TMEM132C: variants seen among roughly 807,000 people sequenced by gnomAD.
TMEM132C encodes the protein transmembrane protein 132C.
A neutral mutation model predicts 61.4 loss-of-function variants in TMEM132C; 29 were observed. The observed-to-expected ratio is 0.47, with a 90% CI of 0.35 to 0.64. TMEM132C has a LOEUF of 0.64. Among genes scored for constraint, TMEM132C ranks in the 30% least tolerant of loss-of-function variants. TMEM132C has a pLI of 0.00. For synonymous variants in TMEM132C, 656 were observed against 633.1 expected (o/e 1.04, Z -0.54); for missense variants, 1,408 against 1,476.9 (o/e 0.95, Z 0.76).
At chr12:128,520,833 G>T (rs976382303) in intron 2 of TMEM132C, among the ~76,000 whole-genome samples, 1 of 152,100 alleles carries the variant, frequency 6.6e-6, no homozygotes, top group African/African-American at 2.4e-5. Context: ...TTTATTAGAG[G>T]CTTGGACTGC....
intron 3 of TMEM132C, among the ~76,000 whole-genome samples, chr12:128,567,418 A>G (rs1008978994): frequency 2.1e-5 from 3 of 145,920 alleles, no homozygotes; most frequent in Non-Finnish European, 4.5e-5. Flanking sequence ...ATAAGTGTCC[A>G]CATACCCATA....
At chr12:128,551,224 C>T (rs1429959666) in intron 3 of TMEM132C, among the ~76,000 whole-genome samples, 2 of 151,536 alleles carry the variant, frequency 1.3e-5, no homozygotes, top group Admixed American at 6.6e-5. Flanking sequence ...CCCCCTCCCG[C>T]TTCCTCCCCT....
intron 4 of TMEM132C, among the ~76,000 whole-genome samples, chr12:128,649,863 C>A (rs1017718392): frequency 1.3e-5 from 2 of 152,170 alleles, no homozygotes; most frequent in African/African-American, 4.8e-5. Context: ...GAAATGGATT[C>A]TCTATCTTGT....
intron 3 of TMEM132C, among the ~76,000 whole-genome samples, chr12:128,608,121 G>A (rs757435934): frequency 5.3e-5 from 8 of 152,172 alleles, no homozygotes; most frequent in Non-Finnish European, 8.8e-5. Flanking sequence ...AAAGATAAAT[G>A]CATTGAAGTC....
intron 4 of TMEM132C, among the ~76,000 whole-genome samples, chr12:128,661,262 A>C (rs191495648): frequency 6.6e-6 from 1 of 152,322 alleles, no homozygotes; most frequent in East Asian, 1.9e-4. Flanking sequence ...GCCCACCCAG[A>C]TTATGCAGGA....
At position 128,573,211 on chromosome 12, in the gene TMEM132C, A is replaced by G. The variant is rs532885884; in HGVS notation, c.1121+29108A>G. The stretch of plus-strand genomic sequence containing the variant: ...AGACTTGGAACCAACCCAAATGTCT[A>G]TCAATGATAGACTGGATTAAGAAAA... On this transcript the variant is annotated intron_variant, in intron 3 of 8. Coordinates refer to ENST00000435159, the MANE Select transcript of TMEM132C (RefSeq NM_001136103.3). 2.6e-5 allele frequency among the ~76,000 whole-genome samples: 4 copies of G among 152,378 alleles called. No individual in the cohort carries two copies. In the South Asian group the frequency reaches 6.2e-4, roughly 24 times the overall value.
At chr12:128,478,178 C>T (rs1004630179) in intron 2 of TMEM132C, among the ~76,000 whole-genome samples, 1 of 152,188 alleles carries the variant, frequency 6.6e-6, no homozygotes, top group Admixed American at 6.5e-5. Flanking sequence ...CTTTAAAGCC[C>T]ATACCACATG....
At chr12:128,701,835 A>C (rs1954805510) in intron 8 of TMEM132C, among the ~76,000 whole-genome samples, 1 of 150,142 alleles carries the variant, frequency 6.7e-6, no homozygotes, top group African/African-American at 2.5e-5. Flanking sequence ...TGTGTTTTTC[A>C]TTTCTAGAAA....
intron 3 of TMEM132C, among the ~76,000 whole-genome samples, chr12:128,615,547 T>C (rs1876770903): frequency 6.6e-6 from 1 of 152,126 alleles, no homozygotes; most frequent in Non-Finnish European, 1.5e-5. Context: ...GCACACAACC[T>C]CGATCCCTTA....
intron 5 of TMEM132C, among the ~76,000 whole-genome samples, chr12:128,690,450 G>T (rs748127403): frequency 6.6e-6 from 1 of 152,128 alleles, no homozygotes; most frequent in Non-Finnish European, 1.5e-5. Flanking sequence ...TAGCAGTGAC[G>T]ATGGCTCTAT....
chr12:128,495,743 G>T (rs1420497508), intron 2 of TMEM132C, among the ~76,000 whole-genome samples: 2 of 152,062 alleles, frequency 1.3e-5, no homozygotes, highest in African/African-American at 2.4e-5. Flanking sequence ...CGTGAGATGG[G>T]TTTCCTGAAT....
intron 2 of TMEM132C, among the ~76,000 whole-genome samples, chr12:128,531,758 G>C (rs749376307): frequency 1.3e-5 from 2 of 152,166 alleles, no homozygotes; most frequent in Non-Finnish European, 2.9e-5. Flanking sequence ...GCCCTGACAG[G>C]TAGTTTAGGA....
intron 1 of TMEM132C, among the ~76,000 whole-genome samples, chr12:128,276,439 A>C (rs1870691616): frequency 6.6e-6 from 1 of 152,242 alleles, no homozygotes; most frequent in Non-Finnish European, 1.5e-5. Flanking sequence ...ACAGAGAGCC[A>C]AAGGTTTATA....
At chr12:128,433,047 T>C (rs1869446771) in intron 2 of TMEM132C, among the ~76,000 whole-genome samples, 1 of 151,228 alleles carries the variant, frequency 6.6e-6, no homozygotes, top group African/African-American at 2.4e-5. Flanking sequence ...ATAAATAAAA[T>C]TGTGACTTGT....
Position 128,705,089 on chromosome 12 carries a change from G to A in TMEM132C, c.2122-1G>A, listed in dbSNP as rs1437328439. The stretch of plus-strand genomic sequence containing the variant: ...TCTTCTAACTGCCTGTGTCCCTGCA[G>A]GAGGCTGTATTCAGCACGTGGCTGC... On this transcript the variant is annotated splice_acceptor_variant, in intron 8 of 8. Transcript: ENST00000435159. LOFTEE classifies it high-confidence loss of function. The A allele has an allele frequency of 1.3e-6, 2 of 1,524,836 alleles. No individual in the cohort carries two copies. The highest frequency in any genetic ancestry group is 2.7e-5 in the African/African-American group (2 of 72,750). 94.5% of individuals were successfully genotyped at this position (1,524,836 alleles called of 1,614,324 possible).
At chr12:128,402,654 G>T (rs971479254) in intron 1 of TMEM132C, among the ~76,000 whole-genome samples, 3 of 152,188 alleles carry the variant, frequency 2.0e-5, no homozygotes, top group African/African-American at 7.2e-5. Context: ...GCCACATTGT[G>T]GGTGGTCAGC....
At chr12:128,392,786 TAAA>T (rs9300287) in intron 1 of TMEM132C, among the ~76,000 whole-genome samples, 47,570 of 141,698 alleles carry the variant, frequency 0.34, 7,585 homozygotes, top group South Asian at 0.41. Context: ...GCTGATGAGC[TAAA>T]AAAAAAAAAA....
intron 3 of TMEM132C, among the ~76,000 whole-genome samples, chr12:128,587,484 T>A (rs1254998363): frequency 6.6e-6 from 1 of 152,148 alleles, no homozygotes; most frequent in Non-Finnish European, 1.5e-5. Context: ...CCTCACACAA[T>A]CACCTCGGGG....
intron 1 of TMEM132C, among the ~76,000 whole-genome samples, chr12:128,268,621 G>A (rs1201210548): frequency 6.6e-6 from 1 of 152,180 alleles, no homozygotes; most frequent in African/African-American, 2.4e-5. Context: ...CAGGCTCTGA[G>A]CAGAGAACAC....
Sources: allele counts gnomAD v4.1 joint callset (sites outside exome capture counted in the v4.1 genomes callset), GRCh38; gene constraint gnomAD v4.1.1; transcripts MANE v1.5; gene names NCBI Gene and HGNC (gene_info 2026-07-23, HGNC 2026-07-21).